Variants in ILKAP observed in about 807,000 individuals in gnomAD.
The protein encoded by ILKAP is ILK associated serine/threonine phosphatase.
In ILKAP, 11 loss-of-function variants were observed where a neutral mutation model predicts 49.1. The observed-to-expected ratio is 0.22, with a 90% CI of 0.14 to 0.37. The LOEUF (loss-of-function observed/expected upper bound fraction) is 0.37. Ranked by LOEUF, ILKAP falls within the 10% of genes least tolerant of loss-of-function variation. The probability of loss-of-function intolerance (pLI) is 1.00; values close to 1 mark genes in which losing one functional copy is unlikely to be tolerated. For missense variants in ILKAP, 363 were observed against 510.8 expected, an observed-to-expected ratio of 0.71 and a Z score of 2.79; for synonymous variants, 186 against 192.8, an observed-to-expected ratio of 0.96 and a Z score of 0.29.
At position 238,184,093 on chromosome 2, in the gene ILKAP, T is replaced by C. The variant is rs781501060; in HGVS notation, c.553A>G (p.Lys185Glu). Residue 185 changes from lysine (K) to glutamate (E), a missense_variant, in exon 7 of 12, where the codon AAA (lysine) becomes GAA (glutamate). By Grantham distance (56) the Lys-to-Glu change is moderately conservative (BLOSUM62 1). Transcript: ENST00000254654. ...FPKGDVISVE[K>E]TVKRCLLDTF... The stretch of plus-strand genomic sequence containing the variant: ...TCCAAAAGGCATCTCTTCACGGTTT[T>C]CTCTACACTGATTACATCTCCTATT... 1.1e-5 allele frequency: 17 copies of C among 1,601,290 alleles called. No homozygotes were observed.
intron 10 of ILKAP, 46 bp downstream of exon 10, chr2:238,173,488 T>C (rs1213864234): frequency 1.3e-6 from 2 of 1,588,862 alleles, no homozygotes; most frequent in South Asian, 1.1e-5. Flanking sequence ...GGAAGAGAAA[T>C]AAACCCACAT....
intron 9 of ILKAP, among the ~76,000 whole-genome samples, chr2:238,181,593 T>C (rs186128185): frequency 4.6e-5 from 7 of 152,182 alleles, no homozygotes; most frequent in East Asian, 3.9e-4. Context: ...CTGTAACTTA[T>C]TCAATGTGAA....
intron 7 of ILKAP, 121 bp from the exon 8 acceptor site, chr2:238,183,861 T>C: frequency 1.0e-6 from 1 of 968,046 alleles, no homozygotes; most frequent in Non-Finnish European, 1.6e-6. Context: ...TGATACTTGC[T>C]TTTTTTCTGT....
chr2:238,193,719 AT>A (rs1326998434), intron 3 of ILKAP, among the ~76,000 whole-genome samples: 2 of 152,182 alleles, frequency 1.3e-5, no homozygotes, highest in Non-Finnish European at 2.9e-5. Flanking sequence ...GATTACCTGC[AT>A]TCCCCACTGC....
intron 1 of ILKAP, among the ~76,000 whole-genome samples, chr2:238,201,068 T>C (rs556666345): frequency 6.6e-6 from 1 of 152,396 alleles, no homozygotes; most frequent in African/African-American, 2.4e-5. Flanking sequence ...TCTTTTATTG[T>C]TCACTGCATT....
chr2:238,184,515 A>G (rs1693824056), intron 6 of ILKAP, among the ~76,000 whole-genome samples: 1 of 151,956 alleles, frequency 6.6e-6, no homozygotes, highest in South Asian at 2.1e-4. Flanking sequence ...CTGCACATCA[A>G]TTGATTTTCA....
intron 4 of ILKAP, among the ~76,000 whole-genome samples, chr2:238,188,808 A>G (rs904844221): frequency 2.0e-5 from 3 of 152,226 alleles, no homozygotes; most frequent in Non-Finnish European, 4.4e-5. Flanking sequence ...ATTTACATTT[A>G]ATGGTTAGAC....
In ILKAP at chr2:238,192,886, G is replaced by A. The variant is rs528515373; in HGVS notation, c.178+1389C>T. Reference sequence around the variant, plus strand: ...AAATTAGCCAGGCATGGTGGCACACGCCTGTAGTCCCAACTACTCAGGAGG... The same window carrying A: ...AAATTAGCCAGGCATGGTGGCACACACCTGTAGTCCCAACTACTCAGGAGG... On this transcript the variant is annotated intron_variant, in intron 3 of 11. Transcript: ENST00000254654. Among the ~76,000 whole-genome samples the A allele has an allele frequency of 1.3e-4, 19 of 151,942 alleles. No homozygotes were observed. The East Asian group carries it at 2.5e-3, about 20-fold the overall frequency.
intron 1 of ILKAP, among the ~76,000 whole-genome samples, chr2:238,201,295 C>G (rs1235066352): frequency 1.3e-5 from 2 of 152,174 alleles, no homozygotes; most frequent in African/African-American, 4.8e-5. Flanking sequence ...TAACAGCCTG[C>G]AATGATAACT....
Position 238,184,078 on chromosome 2 carries a change from A to T in ILKAP, c.568T>A (p.Cys190Ser). Reference protein sequence around the residue: ...VISVEKTVKRCLLDTFKHTDE... With the variant: ...VISVEKTVKRSLLDTFKHTDE... ...GTATGCTTGAAAGTGTCCAAAAGGCATCTCTTCACGGTTTTCTCTACACTG... is the reference window on the plus strand; with the variant it reads ...GTATGCTTGAAAGTGTCCAAAAGGCTTCTCTTCACGGTTTTCTCTACACTG... Residue 190 changes from cysteine to serine, a missense_variant, in exon 7 of 12, where the codon TGC (cysteine) becomes AGC (serine). Cys to Ser is a moderately radical substitution (Grantham distance 112, BLOSUM62 -1). Transcript: ENST00000254654. 6.2e-7 allele frequency: 1 copy of T among 1,610,840 alleles called. No individual in the cohort carries two copies. Among genetic ancestry groups the T allele is most frequent in the Non-Finnish European group, 8.5e-7 (1 of 1,177,004 alleles).
intron 4 of ILKAP, chr2:238,188,511 A>C: frequency 5.2e-6 from 2 of 381,156 alleles, no homozygotes; most frequent in African/African-American, 2.0e-5. Context: ...GCACAAAACA[A>C]CTCTGTCTAG....
At chr2:238,189,490 A>C (rs956865789) in intron 4 of ILKAP, among the ~76,000 whole-genome samples, 5 of 152,216 alleles carry the variant, frequency 3.3e-5, no homozygotes, top group African/African-American at 4.8e-5. Context: ...AAGCTAAATC[A>C]CGTAATTCAA....
chr2:238,194,549 G>A (rs562955529), intron 2 of ILKAP: 174 of 604,534 alleles, frequency 2.9e-4, no homozygotes, highest in Non-Finnish European at 4.2e-4. Context: ...AAGTTAAATT[G>A]TACTTCAGGT....
intron 8 of ILKAP, 27 bp downstream of exon 8, chr2:238,183,626 T>C (rs371959973): frequency 1.3e-6 from 2 of 1,509,772 alleles, no homozygotes; most frequent in Non-Finnish European, 1.8e-6. Context: ...TATTGTCATC[T>C]AAGTGGGTGG....
At chr2:238,171,440 C>T (rs1435904683) in intron 10 of ILKAP, among the ~76,000 whole-genome samples, 1 of 152,214 alleles carries the variant, frequency 6.6e-6, no homozygotes, top group African/African-American at 2.4e-5. Flanking sequence ...GGATTACAGG[C>T]ATGAGCCACA....
At chr2:238,173,402 T>C (rs1022220249) in intron 10 of ILKAP, 132 bp downstream of exon 10, 2 of 1,199,968 alleles carry the variant, frequency 1.7e-6, no homozygotes, top group Non-Finnish European at 2.3e-6. Flanking sequence ...CCACATTTTG[T>C]TTATCTCTGC....
intron 5 of ILKAP, 57 bp from the exon 6 acceptor site, chr2:238,185,344 A>T: frequency 8.8e-7 from 1 of 1,132,130 alleles, no homozygotes; most frequent in Non-Finnish European, 1.3e-6. Flanking sequence ...ACACTTTTCC[A>T]TTAAAGCTTT....
chr2:238,177,786 A>G (rs1283231224), intron 9 of ILKAP, among the ~76,000 whole-genome samples: 2 of 152,182 alleles, frequency 1.3e-5, no homozygotes, highest in Non-Finnish European at 2.9e-5. Context: ...GAACACAGGT[A>G]TGCAAATATC....
At chr2:238,201,710 T>G (rs1324609716) in intron 1 of ILKAP, among the ~76,000 whole-genome samples, 1 of 152,236 alleles carries the variant, frequency 6.6e-6, no homozygotes, top group African/African-American at 2.4e-5. Context: ...TAAAAAGCAA[T>G]GGAGATTTTA....
Sources: allele counts gnomAD v4.1 joint callset (sites outside exome capture counted in the v4.1 genomes callset), GRCh38; gene constraint gnomAD v4.1.1; transcripts MANE v1.5; gene names NCBI Gene and HGNC (gene_info 2026-07-23, HGNC 2026-07-21).